The following TACR1 variants were observed in gnomAD, a reference collection of about 807,000 sequenced individuals.
TACR1 encodes substance-P receptor.
TACR1 carries 25 observed loss-of-function variants against 35.8 expected under a neutral mutation model. The ratio of observed to expected loss-of-function variants is 0.70; its 90% CI spans 0.51 to 0.98. The LOEUF is 0.98. Ranked by LOEUF, TACR1 falls within the 50% of genes least tolerant of loss-of-function variation. The pLI, the probability that TACR1 is intolerant of heterozygous loss-of-function variation, is 0.00. For synonymous variants in TACR1, 195 were observed against 206.7 expected, an observed-to-expected ratio of 0.94 and a Z score of 0.48; for missense variants, 478 against 522.9, an observed-to-expected ratio of 0.91 and a Z score of 0.84.
In TACR1 at chr2:75,091,185, T is replaced by C. The variant is rs187516792; in HGVS notation, c.584+29389A>G. Among the ~76,000 whole-genome samples, 139 of 141,366 alleles carry C rather than the reference T, an allele frequency of 9.8e-4. 2 individuals carry two copies. In the East Asian group the frequency reaches 0.025, roughly 26 times the overall value. 92.7% of individuals were successfully genotyped at this position (141,366 alleles called of 152,430 possible). A position where few individuals can be genotyped will look rare whatever the true frequency, so the allele number is the denominator to read the frequency against. On this transcript the variant is annotated intron_variant, in intron 2 of 4. Coordinates refer to ENST00000305249, the MANE Select transcript of TACR1 (RefSeq NM_001058.4). ...CTCCTTCCTGCAGTCCTCAATTTCT[T>C]ATGGGCTCGTAGGTGCAAAAAAAAA...
chr2:75,086,893 A>G (rs11680998), intron 2 of TACR1, among the ~76,000 whole-genome samples: 20,944 of 152,116 alleles, frequency 0.14, 2,002 homozygotes, highest in Admixed American at 0.29. Context: ...CAATGTGACA[A>G]TGACTTTCAC....
intron 1 of TACR1, among the ~76,000 whole-genome samples, chr2:75,181,414 A>C (rs574577236): frequency 6.6e-6 from 1 of 152,222 alleles, no homozygotes; most frequent in Non-Finnish European, 1.5e-5. Context: ...AACATACTCC[A>C]GACCACGGGT....
At chr2:75,075,800 A>G (rs1358346457) in intron 2 of TACR1, among the ~76,000 whole-genome samples, 3 of 152,272 alleles carry the variant, frequency 2.0e-5, no homozygotes, top group Non-Finnish European at 4.4e-5. Context: ...ACAGAAGAAG[A>G]TATTTTAAGC....
At chr2:75,131,032 A>C (rs777734709) in intron 1 of TACR1, among the ~76,000 whole-genome samples, 6 of 152,140 alleles carry the variant, frequency 3.9e-5, no homozygotes, top group Non-Finnish European at 7.3e-5. Context: ...CTAATTTTCT[A>C]TCAGTGTCAT....
At chr2:75,106,002 A>G (rs1355943154) in intron 2 of TACR1, among the ~76,000 whole-genome samples, 1 of 152,042 alleles carries the variant, frequency 6.6e-6, no homozygotes, top group Non-Finnish European at 1.5e-5. Context: ...GGAAAAAAGT[A>G]TGGATTTTAG....
At chr2:75,167,745 AG>A in intron 1 of TACR1, among the ~76,000 whole-genome samples, 1 of 152,332 alleles carries the variant, frequency 6.6e-6, no homozygotes, top group Middle Eastern at 3.4e-3. Flanking sequence ...AATGTCAAAA[AG>A]ATCTCAGAAA....
chr2:75,119,335 G>A (rs909361675), intron 2 of TACR1, among the ~76,000 whole-genome samples: 11 of 152,164 alleles, frequency 7.2e-5, no homozygotes, highest in African/African-American at 2.7e-4. Flanking sequence ...TTAATAACGA[G>A]GAGAGGCTGT....
intron 1 of TACR1, among the ~76,000 whole-genome samples, chr2:75,160,265 A>G (rs1674973782): frequency 6.6e-6 from 1 of 151,984 alleles, no homozygotes; most frequent in Admixed American, 6.6e-5. Context: ...AATGAAATTG[A>G]TGACAATGAA....
rs370780248 is a variant in TACR1, at chr2:75,123,705, T to C, written c.390-2937A>G. On this transcript the variant is annotated intron_variant, in intron 1 of 4. Transcript: ENST00000305249. ...TCTCCCTCCCTCCTTCCTTCCCTCC[T>C]TTCCTCTCTTTCCTCCTTTCTTCTA... Among the ~76,000 whole-genome samples the C allele has an allele frequency of 2.0e-5, 3 of 152,122 alleles. No homozygotes were observed. The East Asian group carries it at 5.8e-4, about 29-fold the overall frequency.
intron 2 of TACR1, among the ~76,000 whole-genome samples, chr2:75,079,154 T>G (rs1673032834): frequency 6.6e-6 from 1 of 152,160 alleles, no homozygotes; most frequent in African/African-American, 2.4e-5. Flanking sequence ...TCCCTTCCAT[T>G]CATTTGTCCT....
chr2:75,102,958 A>G (rs1390755163), intron 2 of TACR1, among the ~76,000 whole-genome samples: 1 of 152,160 alleles, frequency 6.6e-6, no homozygotes, highest in Non-Finnish European at 1.5e-5. Flanking sequence ...ATGAAATGGA[A>G]TAGAAAACAT....
chr2:75,070,251 G>A (rs1256012458), intron 2 of TACR1, among the ~76,000 whole-genome samples: 1 of 98,578 alleles, frequency 1.0e-5, no homozygotes, highest in Non-Finnish European at 1.9e-5. Context: ...GTGTGTGTGT[G>A]TATGTGTGTG....
chr2:75,119,735 C>A (rs1485675757), intron 2 of TACR1, among the ~76,000 whole-genome samples: 1 of 152,172 alleles, frequency 6.6e-6, no homozygotes, highest in Non-Finnish European at 1.5e-5. Flanking sequence ...GCCTGACCTT[C>A]CCATGTGTTT....
chr2:75,097,285 T>C (rs994992154), intron 2 of TACR1, among the ~76,000 whole-genome samples: 1 of 152,202 alleles, frequency 6.6e-6, no homozygotes, highest in Non-Finnish European at 1.5e-5. Context: ...ACTTAAAAAA[T>C]GTTCTACAAT....
intron 2 of TACR1, among the ~76,000 whole-genome samples, chr2:75,096,802 A>G (rs1164837970): frequency 6.6e-6 from 1 of 151,984 alleles, no homozygotes; most frequent in African/African-American, 2.4e-5. Flanking sequence ...AGGTATCTCA[A>G]CTTCTCTCTT....
chr2:75,060,819 C>T (rs1672656175), intron 2 of TACR1, among the ~76,000 whole-genome samples: 1 of 151,954 alleles, frequency 6.6e-6, no homozygotes, highest in South Asian at 2.1e-4. Flanking sequence ...AGGGCTGTGG[C>T]AGGATGGATG....
chr2:75,051,613 A>C (rs1254051253), intron 3 of TACR1, among the ~76,000 whole-genome samples, 166 bp from the exon 4 acceptor site: 1 of 152,204 alleles, frequency 6.6e-6, no homozygotes, highest in Non-Finnish European at 1.5e-5. Context: ...ATGGTGCTAC[A>C]AGACTTCGGT....
intron 1 of TACR1, among the ~76,000 whole-genome samples, chr2:75,148,769 T>C (rs1420322838): frequency 6.6e-6 from 1 of 152,218 alleles, no homozygotes; most frequent in African/African-American, 2.4e-5. Flanking sequence ...CAATTGCTTT[T>C]GGTGTTTTCA....
At chr2:75,183,961 T>A (rs1335089253) in intron 1 of TACR1, among the ~76,000 whole-genome samples, 1 of 152,242 alleles carries the variant, frequency 6.6e-6, no homozygotes, top group Non-Finnish European at 1.5e-5. Context: ...TCACTGAAGT[T>A]CGCTTATTTC....
Sources: allele counts gnomAD v4.1 joint callset (sites outside exome capture counted in the v4.1 genomes callset), GRCh38; gene constraint gnomAD v4.1.1; transcripts MANE v1.5; gene names NCBI Gene and HGNC (gene_info 2026-07-23, HGNC 2026-07-21).